The following SPATA9 variants were observed in gnomAD, a reference collection of about 807,000 sequenced individuals.
The protein encoded by SPATA9 is spermatogenesis associated 9.
Under a neutral mutation model 25.5 loss-of-function variants are expected in SPATA9, and 27 were observed. The ratio of observed to expected loss-of-function variants is 1.06; its 90% confidence interval spans 0.78 to 1.46. The LOEUF is 1.46. SPATA9 is among the 40% of genes most tolerant of loss of function. SPATA9 has a pLI of 0.00. For synonymous variants in SPATA9, 102 were observed against 105.7 expected, an observed-to-expected ratio of 0.97 and a Z score of 0.21; for missense variants, 282 against 297.5, an observed-to-expected ratio of 0.95 and a Z score of 0.38.
At chr5:95,677,673 A>C (rs1229731410) in intron 2 of SPATA9, among the ~76,000 whole-genome samples, 4 of 152,190 alleles carry the variant, frequency 2.6e-5, no homozygotes, top group African/African-American at 9.7e-5. Context: ...AAGTACATCT[A>C]AGGGCATAAA....
At position 95,692,801 on chromosome 5, in the gene SPATA9, G is replaced by A. The variant is rs149747740; in HGVS notation, n.124+5787C>T. ...ATTGACTTTTAGATCAGAGAATATG[G>A]TCTATAAAATCTCCACTTTTTCTGA... On this transcript the variant is annotated intron_variant and non_coding_transcript_variant, in intron 1 of 2. Coordinates refer to the SPATA9 transcript ENST00000379990. Among the ~76,000 whole-genome samples, 727 of 151,896 alleles carry A rather than the reference G, an allele frequency of 4.8e-3. 2 individuals carry two copies. Among genetic ancestry groups the A allele is most frequent in the African/African-American group, 0.017 (709 of 41,436 alleles).
the SPATA9 span, among the ~76,000 whole-genome samples, chr5:95,715,854 C>A: frequency 3.1e-3 from 472 of 152,248 alleles, 3 homozygotes; most frequent in African/African-American, 0.01. Context: ...ATCTAGAATA[C>A]AGAAAGAATT....
At chr5:95,687,773 A>T (rs1423921177), upstream of SPATA9, among the ~76,000 whole-genome samples, 1 of 152,202 alleles carries the variant, frequency 6.6e-6, no homozygotes, top group Non-Finnish European at 1.5e-5. Flanking sequence ...AGATGGTAGG[A>T]AGCAAAAATG....
chr5:95,710,202 G>A, the SPATA9 span, among the ~76,000 whole-genome samples: 2 of 152,238 alleles, frequency 1.3e-5, no homozygotes, highest in South Asian at 4.2e-4. Flanking sequence ...GAACACAGTG[G>A]CGTCCACCTT....
exon 9 of SPATA9, chr5:95,653,017 C>T: frequency 1.3e-6 from 2 of 1,494,610 alleles, no homozygotes. Flanking sequence ...AACCTGGCTC[C>T]TGCCTGTTTA....
intron 1 of SPATA9, among the ~76,000 whole-genome samples, chr5:95,695,742 CAT>C (rs1459904798): frequency 6.6e-6 from 1 of 152,190 alleles, no homozygotes; most frequent in Non-Finnish European, 1.5e-5. Context: ...TTTGTTAAAT[CAT>C]ATGATATGCA....
At chr5:95,662,902 T>C (rs185414003) in intron 4 of SPATA9, among the ~76,000 whole-genome samples, 9 of 152,216 alleles carry the variant, frequency 5.9e-5, no homozygotes, top group Admixed American at 5.2e-4. Context: ...ATGGCTAAAA[T>C]GGAAAAGATT....
At chr5:95,709,898 G>A in the SPATA9 span, among the ~76,000 whole-genome samples, 9 of 152,282 alleles carry the variant, frequency 5.9e-5, no homozygotes, top group African/African-American at 2.2e-4. Context: ...GTTAGGCTTT[G>A]AAGATGGGGG....
At chr5:95,675,743 T>C in intron 2 of SPATA9, 104 bp from the exon 3 acceptor site, 1 of 839,298 alleles carries the variant, frequency 1.2e-6, no homozygotes, top group Non-Finnish European at 1.9e-6. Flanking sequence ...TTGTGCATGG[T>C]GTCATGCATA....
intron 2 of SPATA9, among the ~76,000 whole-genome samples, chr5:95,679,086 T>C (rs1457314757): frequency 1.3e-5 from 2 of 152,186 alleles, no homozygotes; most frequent in African/African-American, 2.4e-5. Flanking sequence ...AAACCATGCT[T>C]ATGGTTCTAA....
upstream of SPATA9, among the ~76,000 whole-genome samples, chr5:95,703,684 T>C (rs112998482): frequency 1.2e-4 from 18 of 152,144 alleles, 1 homozygote; most frequent in African/African-American, 2.4e-4. Context: ...TCTGGAAGGA[T>C]ATATATCATA....
rs1350153408 is a variant in SPATA9 at position 95,675,446 on chromosome 5, A to G, written c.344T>C (p.Val115Ala). Residue 115 changes from valine (V) to alanine (A), a missense_variant, in exon 3 of 5, where the codon GTT (valine) becomes GCT (alanine). Transcript: ENST00000274432. ...RDISGRLLRE[V>A]NAPRQPLYNI... is the part of the protein sequence containing the mutation. Reference sequence around the variant, plus strand: ...ATATAGGGGTTGCCTCGGCGCATTAACTTCCCTCAGCAGACGACCAGATAT... The same window carrying G: ...ATATAGGGGTTGCCTCGGCGCATTAGCTTCCCTCAGCAGACGACCAGATAT... 1.2e-6 allele frequency: 2 copies of G among 1,614,024 alleles called. No individual in the cohort carries two copies. Among genetic ancestry groups the G allele is most frequent in the Non-Finnish European group, 1.7e-6 (2 of 1,180,032 alleles).
intron 4 of SPATA9, 46 bp downstream of exon 4, chr5:95,663,905 CAA>C: frequency 9.0e-7 from 1 of 1,111,508 alleles, no homozygotes; most frequent in Non-Finnish European, 1.3e-6. Flanking sequence ...TAACATTACA[CAA>C]AATAAGTAGA....
chr5:95,708,031 A>T, the SPATA9 span, among the ~76,000 whole-genome samples: 1 of 152,072 alleles, frequency 6.6e-6, no homozygotes, highest in Non-Finnish European at 1.5e-5. Context: ...TACAAGGCCC[A>T]AAAATTAAAG....
chr5:95,730,822 T>C, the SPATA9 span: 1 of 448,624 alleles, frequency 2.2e-6, no homozygotes, highest in East Asian at 7.3e-5. Flanking sequence ...GAATGTTGCC[T>C]TTATTTTTTC....
downstream of SPATA9, chr5:95,656,880 A>G (rs1750794116): frequency 1.3e-5 from 2 of 152,222 alleles, no homozygotes; most frequent in African/African-American, 4.8e-5. Flanking sequence ...TGAAATGTTC[A>G]CCTCTGAACT....
chr5:95,667,580 T>C lies in SPATA9; in HGVS notation c.379-3532A>G, dbSNP rs143478278. 1.1e-4 allele frequency among the ~76,000 whole-genome samples: 17 copies of C among 152,094 alleles called. No homozygotes were observed. In the East Asian group the frequency reaches 3.3e-3, roughly 29 times the overall value. Reference sequence around the variant, plus strand: ...CACTTTTAGGCTACACGGAGACAAATATACAAGTAGAGAGCAGACTCTCTA... The same window carrying C: ...CACTTTTAGGCTACACGGAGACAAACATACAAGTAGAGAGCAGACTCTCTA... On this transcript the variant is annotated intron_variant, in intron 3 of 4. Transcript: ENST00000274432.
chr5:95,716,945 C>CCTT, the SPATA9 span: 8,485 of 152,248 alleles, frequency 0.056, 526 homozygotes, highest in African/African-American at 0.16. Flanking sequence ...TGCCTTTGCT[C>CCTT]CTTCACCTTC....
the SPATA9 span, among the ~76,000 whole-genome samples, chr5:95,722,265 G>A: frequency 6.6e-6 from 1 of 152,120 alleles, no homozygotes; most frequent in Non-Finnish European, 1.5e-5. Flanking sequence ...CCAAATTATA[G>A]CAATACTGAA....
Sources: gnomAD v4.1 joint callset for allele counts (sites outside exome capture counted in the v4.1 genomes callset) on GRCh38, gnomAD v4.1.1 for gene constraint, MANE v1.5 for transcripts, NCBI Gene and HGNC (gene_info 2026-07-23, HGNC 2026-07-21) for gene names.